Variants in QTMAN observed in about 807,000 individuals in gnomAD.
QTMAN encodes the protein queuosine-tRNA mannosyltransferase, also known as tRNA-queuosine alpha-mannosyltransferase.
the QTMAN span, among the ~76,000 whole-genome samples, chr2:143,961,304 A>G: frequency 2.0e-5 from 3 of 152,106 alleles, no homozygotes; most frequent in Non-Finnish European, 2.9e-5. Flanking sequence ...CTTCCCCCAT[A>G]GTCTTTTACT....
the QTMAN span, among the ~76,000 whole-genome samples, chr2:143,961,929 C>T: frequency 6.6e-6 from 1 of 152,018 alleles, no homozygotes; most frequent in Non-Finnish European, 1.5e-5. Context: ...AGGGTATCAG[C>T]CCAGTTAATA....
At chr2:144,019,623 A>G in the QTMAN span, among the ~76,000 whole-genome samples, 1 of 152,202 alleles carries the variant, frequency 6.6e-6, no homozygotes, top group African/African-American at 2.4e-5. Flanking sequence ...GTGATTTTAC[A>G]TAGAGAGAAA....
the QTMAN span, among the ~76,000 whole-genome samples, chr2:144,267,365 GAA>G: frequency 6.6e-6 from 1 of 152,148 alleles, no homozygotes; most frequent in East Asian, 1.9e-4. Context: ...GACTTCAAAG[GAA>G]AGTGCTCATG....
At chr2:144,295,784 T>A in the QTMAN span, among the ~76,000 whole-genome samples, 4 of 151,836 alleles carry the variant, frequency 2.6e-5, no homozygotes, top group Non-Finnish European at 5.9e-5. Context: ...GACTAATTTT[T>A]AAATTTTTTT....
chr2:144,097,380 A>G, the QTMAN span, among the ~76,000 whole-genome samples: 1 of 152,094 alleles, frequency 6.6e-6, no homozygotes, highest in Non-Finnish European at 1.5e-5. Flanking sequence ...CTCCTACTCC[A>G]TGAGGAGTTG....
chr2:144,168,532 A>C, the QTMAN span, among the ~76,000 whole-genome samples: 11 of 152,162 alleles, frequency 7.2e-5, no homozygotes, highest in African/African-American at 2.4e-4. Flanking sequence ...GATACAGAAG[A>C]AATAAGATTG....
At chr2:144,145,577 A>T in the QTMAN span, 4 of 1,606,342 alleles carry the variant, frequency 2.5e-6, 1 homozygote, top group South Asian at 4.4e-5. Context: ...CCTACCATGA[A>T]AGAATTTGGT....
chr2:144,015,092 T>G, the QTMAN span, among the ~76,000 whole-genome samples: 2 of 152,160 alleles, frequency 1.3e-5, no homozygotes, highest in African/African-American at 4.8e-5. Flanking sequence ...GATATATTCC[T>G]CCCACGCAGA....
the QTMAN span, among the ~76,000 whole-genome samples, chr2:144,143,359 A>C: frequency 6.6e-6 from 1 of 151,986 alleles, no homozygotes; most frequent in Non-Finnish European, 1.5e-5. Context: ...GGACTGCAGA[A>C]CACCACAGAA....
chr2:144,332,371 G>C, the QTMAN span: 1 of 148,680 alleles, frequency 6.7e-6, no homozygotes, highest in African/African-American at 2.4e-5. Flanking sequence ...CCGGGGAGGG[G>C]AGGGGAGGGG....
At chr2:144,210,546 A>T in the QTMAN span, among the ~76,000 whole-genome samples, 1 of 152,148 alleles carries the variant, frequency 6.6e-6, no homozygotes, top group African/African-American at 2.4e-5. Context: ...TTGCATTTTA[A>T]ACATTAATTT....
At chr2:143,940,662 AG>A in the QTMAN span, 1 of 152,176 alleles carries the variant, frequency 6.6e-6, no homozygotes, top group Non-Finnish European at 1.5e-5. Flanking sequence ...CTTTGGGATG[AG>A]GGGGAGCAGG....
the QTMAN span, among the ~76,000 whole-genome samples, chr2:144,169,210 T>A: frequency 1.3e-5 from 2 of 152,118 alleles, no homozygotes; most frequent in African/African-American, 4.8e-5. Context: ...GGTCCAAGCA[T>A]CAGTAGTTCT....
At chr2:144,133,138 T>A in the QTMAN span, among the ~76,000 whole-genome samples, 4 of 42,566 alleles carry the variant, frequency 9.4e-5, no homozygotes, top group African/African-American at 5.3e-4. Context: ...TATATATATA[T>A]ATATATATAT....
At chr2:144,329,300 G>A in the QTMAN span, among the ~76,000 whole-genome samples, 1 of 151,632 alleles carries the variant, frequency 6.6e-6, no homozygotes, top group Non-Finnish European at 1.5e-5. Flanking sequence ...AAAAGAAGAG[G>A]TAAGAATATA....
the QTMAN span, among the ~76,000 whole-genome samples, chr2:143,987,341 T>C: frequency 6.6e-6 from 1 of 152,232 alleles, no homozygotes; most frequent in Admixed American, 6.5e-5. Flanking sequence ...GCTGAGTCTT[T>C]CTAGACTCCG....
chr2:144,058,371 T>C, the QTMAN span, among the ~76,000 whole-genome samples: 1 of 152,268 alleles, frequency 6.6e-6, no homozygotes, highest in East Asian at 1.9e-4. Context: ...GTTGGTACTC[T>C]GGCAAAAAAT....
the QTMAN span, among the ~76,000 whole-genome samples, chr2:144,130,240 A>G: frequency 6.6e-6 from 1 of 151,970 alleles, no homozygotes; most frequent in Non-Finnish European, 1.5e-5. Flanking sequence ...GAGGTAAGAA[A>G]GTTCTGTAAT....
chr2:144,250,026 C>T, the QTMAN span, among the ~76,000 whole-genome samples: 1 of 151,914 alleles, frequency 6.6e-6, no homozygotes, highest in South Asian at 2.1e-4. Flanking sequence ...CACAAGAGAT[C>T]TCTCTGGGGT....
Sources: allele counts gnomAD v4.1 joint callset (sites outside exome capture counted in the v4.1 genomes callset), GRCh38; gene constraint gnomAD v4.1.1; transcripts MANE v1.5; gene names NCBI Gene and HGNC (gene_info 2026-07-23, HGNC 2026-07-21).